The following CELF2 variants were observed in gnomAD, a reference collection of about 807,000 sequenced individuals.
CELF2 encodes CUG triplet repeat RNA-binding protein 2.
In CELF2, 8 loss-of-function variants were observed where a neutral mutation model predicts 62.6. The observed-to-expected ratio is 0.13, with a 90% CI of 0.07 to 0.23. The LOEUF (loss-of-function observed/expected upper bound fraction) is 0.23. Among genes scored for constraint, CELF2 ranks in the 10% least tolerant of loss-of-function variants. The pLI, the probability that CELF2 is intolerant of heterozygous loss-of-function variation, is 1.00. For synonymous variants in CELF2, 258 were observed against 250.0 expected (o/e 1.03, Z -0.30); for missense variants, 333 against 671.0 (o/e 0.50, Z 5.56).
chr10:11,303,549 C>T (rs990480407), intron 9 of CELF2, among the ~76,000 whole-genome samples: 1 of 152,220 alleles, frequency 6.6e-6, no homozygotes, highest in African/African-American at 2.4e-5. Context: ...CGCTGTGCAT[C>T]AGACATCAGT....
the CELF2 span, among the ~76,000 whole-genome samples, chr10:10,530,528 G>A: frequency 2.6e-5 from 4 of 152,256 alleles, no homozygotes; most frequent in Admixed American, 1.3e-4. Flanking sequence ...GCAAGTCTCA[G>A]CCTCATTTTT....
At chr10:10,529,806 G>T in the CELF2 span, among the ~76,000 whole-genome samples, 3 of 151,908 alleles carry the variant, frequency 2.0e-5, no homozygotes, top group African/African-American at 7.3e-5. Context: ...AATAATTTTG[G>T]TATAATAAGG....
chr10:11,150,666 C>A (rs1338636227), intron 1 of CELF2, among the ~76,000 whole-genome samples: 3 of 152,240 alleles, frequency 2.0e-5, no homozygotes, highest in Admixed American at 2.0e-4. Flanking sequence ...AAACAAAACA[C>A]CTGGGCAGCC....
chr10:10,668,050 A>C, the CELF2 span, among the ~76,000 whole-genome samples: 2 of 152,178 alleles, frequency 1.3e-5, no homozygotes, highest in Non-Finnish European at 2.9e-5. Flanking sequence ...CAGGCAAAAC[A>C]CCAGCCTAGA....
In CELF2 at chr10:10,928,945, AT is replaced by A. The variant is rs1364850056; in HGVS notation, c.89+8947del. 2.0e-5 allele frequency among the ~76,000 whole-genome samples: 3 copies of A among 152,234 alleles called. No individual in the cohort carries two copies. Among genetic ancestry groups the A allele is most frequent in the African/African-American group, 7.2e-5 (3 of 41,468 alleles). On this transcript the variant is annotated intron_variant, in intron 2 of 13. Coordinates refer to the CELF2 transcript ENST00000636488. This position sits in a 1 kb window ranked among gnomAD's most constrained non-coding sequence, Gnocchi z 4.8. ...TCTGAATAGATGTTTAAATGAATTA[AT>A]AAGTGTTTGAATGGATTAATAAATG...
At chr10:10,617,415 C>G in the CELF2 span, among the ~76,000 whole-genome samples, 1 of 152,106 alleles carries the variant, frequency 6.6e-6, no homozygotes, top group East Asian at 1.9e-4. Context: ...TAAATGCTAA[C>G]CTAAGGTTCA....
chr10:11,137,243 G>T (rs976341588), intron 1 of CELF2, among the ~76,000 whole-genome samples: 15 of 152,214 alleles, frequency 9.9e-5, no homozygotes, highest in Admixed American at 3.9e-4. Flanking sequence ...TAGACCAGAA[G>T]ATCCTCGCTT....
chr10:10,808,842 C>T (rs984424333), intron 1 of CELF2, among the ~76,000 whole-genome samples: 8 of 152,156 alleles, frequency 5.3e-5, no homozygotes, highest in Admixed American at 2.0e-4. Flanking sequence ...GCATACCACT[C>T]ATTCAAGAAA....
At chr10:11,033,184 G>A (rs1221691149) in intron 1 of CELF2, among the ~76,000 whole-genome samples, 1 of 151,822 alleles carries the variant, frequency 6.6e-6, no homozygotes, top group African/African-American at 2.4e-5. Context: ...GTGGTGAGGT[G>A]TGAGGGCAAC....
At position 11,315,090 on chromosome 10, in the gene CELF2, C is replaced by T. The variant is rs1457586916; in HGVS notation, c.1096+832C>T. Among the ~76,000 whole-genome samples, 1 of 152,132 alleles carries T rather than the reference C, an allele frequency of 6.6e-6. No homozygotes were observed. Among genetic ancestry groups the T allele is most frequent in the Non-Finnish European group, 1.5e-5 (1 of 68,022 alleles). On this transcript the variant is annotated intron_variant, in intron 10 of 12. Coordinates refer to ENST00000633077, the MANE Select transcript of CELF2 (RefSeq NM_001326342.2). The surrounding 1 kb of genome is among the most constrained non-coding windows in gnomAD (Gnocchi z 5.8). The stretch of plus-strand genomic sequence containing the variant: ...GGTTGATGGGGGAGCAGTGTGCCGG[C>T]CAGAGGATAAGTCGTGTTTTAGATT...
chr10:10,523,609 A>G, the CELF2 span, among the ~76,000 whole-genome samples: 1 of 152,184 alleles, frequency 6.6e-6, no homozygotes, highest in Non-Finnish European at 1.5e-5. Context: ...AAGTAAGTTG[A>G]TCCTTGCAAC....
chr10:10,649,916 T>A, the CELF2 span, among the ~76,000 whole-genome samples: 1 of 151,966 alleles, frequency 6.6e-6, no homozygotes, highest in Non-Finnish European at 1.5e-5. Flanking sequence ...TTCACATCGA[T>A]CTCTGCAGCG....
intron 1 of CELF2, among the ~76,000 whole-genome samples, chr10:11,053,612 CTTTT>C (rs35886208): frequency 8.2e-6 from 1 of 122,424 alleles, no homozygotes; most frequent in East Asian, 2.3e-4. Flanking sequence ...TCTGATATTT[CTTTT>C]TTTTTTTTTT....
In CELF2 at chr10:11,314,696, G is replaced by A; in HGVS notation, c.1096+438G>A. On this transcript the variant is annotated intron_variant, in intron 10 of 12. Transcript: ENST00000633077. The surrounding 1 kb of genome is among the most constrained non-coding windows in gnomAD (Gnocchi z 5.3). ...CAGATGCTGCTCCCTCTCTGGGCTTGGGAGTCTCCATTTGAGAATGGAAAG... is the reference window on the plus strand; with the variant it reads ...CAGATGCTGCTCCCTCTCTGGGCTTAGGAGTCTCCATTTGAGAATGGAAAG... 7.4e-6 allele frequency: 2 copies of A among 271,256 alleles called. No homozygotes were observed. The highest frequency in any genetic ancestry group is 2.1e-4 in the East Asian group (2 of 9,660). 16.8% of individuals were successfully genotyped at this position (271,256 alleles called of 1,614,324 possible). A position where few individuals can be genotyped will look rare whatever the true frequency, so the allele number is the denominator to read the frequency against.
At chr10:10,824,663 T>C (rs996147982) in intron 1 of CELF2, among the ~76,000 whole-genome samples, 3 of 152,238 alleles carry the variant, frequency 2.0e-5, no homozygotes, top group African/African-American at 7.2e-5. Context: ...TTAAAGTGAC[T>C]CCTTTCTTAA....
At chr10:11,236,834 G>A (rs567441331) in intron 3 of CELF2, among the ~76,000 whole-genome samples, 3 of 152,146 alleles carry the variant, frequency 2.0e-5, no homozygotes, top group Non-Finnish European at 2.9e-5. Flanking sequence ...TCATTGTGCC[G>A]TTGTGTGGAT....
the CELF2 span, among the ~76,000 whole-genome samples, chr10:10,657,273 G>A: frequency 6.6e-6 from 1 of 152,196 alleles, no homozygotes; most frequent in Non-Finnish European, 1.5e-5. Context: ...AAGGGACAGT[G>A]AGAGTAATTG....
At chr10:10,946,749 G>C (rs2047726944) in intron 2 of CELF2, 1 of 152,188 alleles carries the variant, frequency 6.6e-6, no homozygotes, top group Admixed American at 6.5e-5. Context: ...TCCATTTAGA[G>C]ATGAGGTATA....
At chr10:10,648,666 G>T in the CELF2 span, among the ~76,000 whole-genome samples, 2 of 152,120 alleles carry the variant, frequency 1.3e-5, no homozygotes, top group Non-Finnish European at 2.9e-5. Context: ...AATGGGTCAG[G>T]TGTATATTTT....
Sources: allele counts gnomAD v4.1 joint callset (sites outside exome capture counted in the v4.1 genomes callset), GRCh38; gene constraint gnomAD v4.1.1; non-coding constraint Gnocchi (gnomAD v3.1); transcripts MANE v1.5; gene names NCBI Gene and HGNC (gene_info 2026-07-23, HGNC 2026-07-21).